Variants in SZRD1 observed in about 807,000 individuals in gnomAD.
SZRD1 encodes the protein SUZ RNA binding domain containing 1.
In SZRD1, 7 loss-of-function variants were observed where a neutral mutation model predicts 17.6. That is an observed-to-expected ratio of 0.40 (90% CI 0.23 to 0.75). The LOEUF (loss-of-function observed/expected upper bound fraction) is 0.75. SZRD1 is among the 30% of genes least tolerant of loss of function. SZRD1 has a pLI of 0.38. For synonymous variants in SZRD1, 77 were observed against 77.9 expected (o/e 0.99, Z 0.06); for missense variants, 178 against 201.8 (o/e 0.88, Z 0.71).
Position 16,367,278 on chromosome 1 carries a change from T to C in SZRD1, c.21T>C (p.Ala7=), listed in dbSNP as rs1391189066. The change falls in exon 1 of 4, where the codon GCT becomes GCC. Residue 7 remains alanine (A), a synonymous_variant. Coordinates refer to ENST00000401088, the MANE Select transcript of SZRD1 (RefSeq NM_001114600.3). ...GTAAGATGGAAGATGAGGAGGTCGC[T>C]GAGAGCTGGGAAGAGGCGGCAGACA... MEDEEV[A]ESWEEAADSG... is the part of the protein sequence containing the mutation. The C allele has an allele frequency of 3.2e-6, 5 of 1,548,560 alleles. No homozygotes were observed. The highest frequency in any genetic ancestry group is 4.4e-6 in the Non-Finnish European group (5 of 1,146,560).
chr1:16,375,129 G>A (rs1488595977), intron 1 of SZRD1, among the ~76,000 whole-genome samples: 1 of 152,116 alleles, frequency 6.6e-6, no homozygotes, highest in Non-Finnish European at 1.5e-5. Context: ...GCCCGCCTCG[G>A]CCTCCCAAAA....
chr1:16,392,952 A>T (rs917903085), intron 2 of SZRD1, among the ~76,000 whole-genome samples: 2 of 152,156 alleles, frequency 1.3e-5, no homozygotes, highest in Non-Finnish European at 2.9e-5. Context: ...GAACATGGGG[A>T]TAGAAGTGCC....
chr1:16,395,468 A>T lies in SZRD1; in HGVS notation c.*328A>T, dbSNP rs1401759045. 2 of 350,140 alleles carry T rather than the reference A, an allele frequency of 5.7e-6. No individual in the cohort carries two copies. The highest frequency in any genetic ancestry group is 1.1e-5 in the Non-Finnish European group (2 of 185,312). 21.7% of individuals were successfully genotyped at this position (350,140 alleles called of 1,614,324 possible). ...CAGTGCCACTTGGCCACTTGGGGTA[A>T]AGCCAGTGCCAGCAATAACAGTTTA... On this transcript the variant is annotated 3_prime_UTR_variant, in exon 4 of 4. Coordinates refer to ENST00000401088, the MANE Select transcript of SZRD1 (RefSeq NM_001114600.3).
chr1:16,390,887 A>T lies in SZRD1; in HGVS notation c.52-488A>T, dbSNP rs181696167. The stretch of plus-strand genomic sequence containing the variant: ...ATGCTGAGTTCTGGGGGCTAGTGAT[A>T]GCAAAACAGAGACAGAAGGTAAAAG... On this transcript the variant is annotated intron_variant, in intron 1 of 3. Transcript: ENST00000401088. Among the ~76,000 whole-genome samples the T allele has an allele frequency of 1.6e-3, 249 of 152,244 alleles. 2 individuals carry two copies. Among genetic ancestry groups the T allele is most frequent in the African/African-American group, 4.2e-3 (173 of 41,556 alleles).
At chr1:16,383,623 CTT>C (rs560831090) in intron 1 of SZRD1, among the ~76,000 whole-genome samples, 17 of 131,122 alleles carry the variant, frequency 1.3e-4, no homozygotes, top group Non-Finnish European at 2.3e-4. Flanking sequence ...TCTTTTTTTC[CTT>C]TTTTTTTTTT....
intron 1 of SZRD1, among the ~76,000 whole-genome samples, chr1:16,382,869 AT>A (rs559453815): frequency 0.033 from 4,567 of 140,380 alleles, 210 homozygotes; most frequent in African/African-American, 0.1. Context: ...CACATGGATA[AT>A]TTTTTTTTTT....
chr1:16,387,245 T>A, intron 1 of SZRD1: 1 of 453,320 alleles, frequency 2.2e-6, no homozygotes, highest in South Asian at 1.6e-5. Context: ...GAAGCGCTTT[T>A]CTTCCACCCA....
chr1:16,378,370 G>A (rs907648063), intron 1 of SZRD1, among the ~76,000 whole-genome samples: 4 of 142,456 alleles, frequency 2.8e-5, no homozygotes, highest in African/African-American at 7.8e-5. Flanking sequence ...TGCAACCTCC[G>A]CCTCCCAGGT....
At chr1:16,378,619 TG>T (rs2083042088) in intron 1 of SZRD1, among the ~76,000 whole-genome samples, 1 of 151,930 alleles carries the variant, frequency 6.6e-6, no homozygotes, top group Non-Finnish European at 1.5e-5. Context: ...ATCGGGGCCT[TG>T]GGAGTCAGCT....
At chr1:16,371,653 G>A (rs111846811) in intron 1 of SZRD1, among the ~76,000 whole-genome samples, 12,679 of 151,136 alleles carry the variant, frequency 0.084, 694 homozygotes, top group Non-Finnish European at 0.12. Context: ...AGTAGAGATG[G>A]GGTTTCACTG....
chr1:16,385,654 T>A (rs918251639), intron 1 of SZRD1, among the ~76,000 whole-genome samples: 5 of 152,190 alleles, frequency 3.3e-5, no homozygotes, highest in African/African-American at 9.6e-5. Flanking sequence ...TTGTAGCTTG[T>A]GACAGTAACA....
In SZRD1 at chr1:16,393,056, T is replaced by C. The variant is rs188780772; in HGVS notation, c.102-172T>C. ...AGAGCTGGTCGCAAGCTTACTTTTTTGGGACACCCTTCTTGAGGAGTGGAA... is the reference window on the plus strand; with the variant it reads ...AGAGCTGGTCGCAAGCTTACTTTTTCGGGACACCCTTCTTGAGGAGTGGAA... On this transcript the variant is annotated intron_variant, in intron 2 of 3. Coordinates refer to ENST00000401088, the MANE Select transcript of SZRD1 (RefSeq NM_001114600.3). The surrounding 1 kb of genome is among the most constrained non-coding windows in gnomAD (Gnocchi z 5.6). Among the ~76,000 whole-genome samples the C allele has an allele frequency of 2.0e-5, 3 of 152,276 alleles. No homozygotes were observed. The East Asian group carries it at 5.8e-4, about 29-fold the overall frequency.
rs569021142 is a variant in SZRD1 at position 16,385,579 on chromosome 1, A to ACGTT, written c.52-5796_52-5795insCGTT. 2.5e-4 allele frequency among the ~76,000 whole-genome samples: 38 copies of ACGTT among 152,110 alleles called. No individual in the cohort carries two copies. In the East Asian group the frequency reaches 7.4e-3, roughly 29 times the overall value. On this transcript the variant is annotated intron_variant, in intron 1 of 3. Transcript: ENST00000401088. Reference sequence around the variant, plus strand: ...TCGACCTCTTAACGTTACAGGAGTAAACCTACCACTGTAATCTGCTTCACC... The same window carrying ACGTT: ...TCGACCTCTTAACGTTACAGGAGTAACGTTACCTACCACTGTAATCTGCTTCACC...
chr1:16,398,078 C>T lies in SZRD1; in HGVS notation c.*2938C>T, dbSNP rs538841622. On this transcript the variant is annotated 3_prime_UTR_variant, in exon 4 of 4. Transcript: ENST00000401088. Reference sequence around the variant, plus strand: ...CCCACTCCCACCCCACCCTGCACCGCGGGCTCCTGAGTCGGCAGATTAAGC... The same window carrying T: ...CCCACTCCCACCCCACCCTGCACCGTGGGCTCCTGAGTCGGCAGATTAAGC... The T allele has an allele frequency of 2.2e-3, 1,935 of 885,408 alleles. 4 individuals are homozygous for T. Among genetic ancestry groups the T allele is most frequent in the Non-Finnish European group, 2.5e-3 (1,866 of 738,920 alleles). The allele number at this position is 885,408 out of a possible 1,614,324, so 54.8% of individuals were successfully genotyped here.
At chr1:16,371,395 T>G in intron 1 of SZRD1, among the ~76,000 whole-genome samples, 1 of 125,374 alleles carries the variant, frequency 8.0e-6, no homozygotes, top group South Asian at 2.9e-4. Context: ...TCCCCTCCCC[T>G]CCCCTCCCTC....
At position 16,391,176 on chromosome 1, in the gene SZRD1, C is replaced by T. The variant is rs1005408338; in HGVS notation, c.52-199C>T. ...TGAGGTTTAGAACTGTCATGGCGGCCATGGGGCTAGAAGGGAGATGGACCT... is the reference window on the plus strand; with the variant it reads ...TGAGGTTTAGAACTGTCATGGCGGCTATGGGGCTAGAAGGGAGATGGACCT... On this transcript the variant is annotated intron_variant, in intron 1 of 3. Coordinates refer to ENST00000401088, the MANE Select transcript of SZRD1 (RefSeq NM_001114600.3). The surrounding 1 kb of genome is among the most constrained non-coding windows in gnomAD (Gnocchi z 4.3). Among the ~76,000 whole-genome samples, 2 of 152,110 alleles carry T rather than the reference C, an allele frequency of 1.3e-5. No homozygotes were observed. Among genetic ancestry groups the T allele is most frequent in the Non-Finnish European group, 2.9e-5 (2 of 68,022 alleles).
chr1:16,391,454 T>C lies in SZRD1; in HGVS notation c.101+30T>C. ...GGCTGCTGTCTGGTCTGAGGGCTCA[T>C]GCTCTCTGTGGTTTGAGAGCCGGGC... is the stretch of plus-strand genomic sequence containing the variant. On this transcript the variant is annotated intron_variant, in intron 2 of 3. Transcript: ENST00000401088. This position sits in a 1 kb window ranked among gnomAD's most constrained non-coding sequence, Gnocchi z 4.3. The C allele has an allele frequency of 5.2e-6, 8 of 1,538,146 alleles. No individual in the cohort carries two copies. The highest frequency in any genetic ancestry group is 6.2e-6 in the Non-Finnish European group (7 of 1,136,932).
intron 1 of SZRD1, among the ~76,000 whole-genome samples, chr1:16,373,112 C>T (rs535387750): frequency 6.6e-6 from 1 of 151,798 alleles, no homozygotes; most frequent in Admixed American, 6.6e-5. Flanking sequence ...AGAGGGTTGG[C>T]AGGGTTGAGT....
In SZRD1 at chr1:16,393,622, G is replaced by A. The variant is rs144937376; in HGVS notation, c.356+140G>A. 0.024 allele frequency: 22,634 copies of A among 932,536 alleles called. 342 individuals are homozygous for A. The highest frequency in any genetic ancestry group is 0.03 in the Non-Finnish European group (18,782 of 631,792). The allele number at this position is 932,536 out of a possible 1,614,324, so 57.8% of individuals were successfully genotyped here. A position where few individuals can be genotyped will look rare whatever the true frequency, so the allele number is the denominator to read the frequency against. On this transcript the variant is annotated intron_variant, in intron 3 of 3. Coordinates refer to ENST00000401088, the MANE Select transcript of SZRD1 (RefSeq NM_001114600.3). This position sits in a 1 kb window ranked among gnomAD's most constrained non-coding sequence, Gnocchi z 5.6. ...CATGCAGCTCCACTTGCTGATCCCA[G>A]CCTGCTGGCACTAGTTCACTGTGCC... is the stretch of plus-strand genomic sequence containing the variant.
Sources: gnomAD v4.1 joint callset for allele counts (sites outside exome capture counted in the v4.1 genomes callset) on GRCh38, gnomAD v4.1.1 for gene constraint, Gnocchi (gnomAD v3.1) non-coding constraint, MANE v1.5 for transcripts, NCBI Gene and HGNC (gene_info 2026-07-23, HGNC 2026-07-21) for gene names.